Variants in GPHN observed in about 807,000 individuals in gnomAD.
GPHN encodes gephyrin.
A neutral mutation model predicts 95.5 loss-of-function variants in GPHN; 17 were observed. The ratio of observed to expected loss-of-function variants is 0.18; its 90% CI spans 0.12 to 0.27. The LOEUF is 0.27. Among genes scored for constraint, GPHN ranks in the 10% least tolerant of loss-of-function variants. GPHN has a pLI of 1.00. For synonymous variants in GPHN, 320 were observed against 322.5 expected, an observed-to-expected ratio of 0.99 and a Z score of 0.08; for missense variants, 660 against 978.1, an observed-to-expected ratio of 0.67 and a Z score of 4.34.
At chr14:66,589,261 A>T (rs986593472) in intron 1 of GPHN, among the ~76,000 whole-genome samples, 3 of 152,132 alleles carry the variant, frequency 2.0e-5, no homozygotes, top group Non-Finnish European at 4.4e-5. Flanking sequence ...AAAAACCGGT[A>T]CCAGCCACTG....
chr14:66,737,175 A>G (rs375611534), intron 2 of GPHN, among the ~76,000 whole-genome samples: 184 of 152,276 alleles, frequency 1.2e-3, no homozygotes, highest in African/African-American at 4.1e-3. Context: ...TCGTTTCTAC[A>G]TATACTTTTT....
the GPHN span, among the ~76,000 whole-genome samples, chr14:67,207,866 T>A: frequency 6.6e-6 from 1 of 152,176 alleles, no homozygotes; most frequent in Non-Finnish European, 1.5e-5. Flanking sequence ...GACTGGGGAA[T>A]CAGTGGCATT....
At chr14:67,513,037 T>A in the GPHN span, among the ~76,000 whole-genome samples, 1 of 152,200 alleles carries the variant, frequency 6.6e-6, no homozygotes, top group Non-Finnish European at 1.5e-5. Flanking sequence ...ATTTAATATC[T>A]TTCATTCAAG....
At chr14:67,662,142 C>G in the GPHN span, among the ~76,000 whole-genome samples, 1 of 150,168 alleles carries the variant, frequency 6.7e-6, no homozygotes, top group African/African-American at 2.5e-5. Flanking sequence ...GGCAACAGAG[C>G]GAGACTCTGT....
chr14:67,192,874 A>G, the GPHN span, among the ~76,000 whole-genome samples: 3 of 146,648 alleles, frequency 2.0e-5, no homozygotes, highest in African/African-American at 4.9e-5. Flanking sequence ...ATATAGATAT[A>G]TAGATATATA....
Position 66,780,522 on chromosome 14 carries a change from CT to C in GPHN, c.201+4012del, listed in dbSNP as rs775788664. On this transcript the variant is annotated intron_variant, in intron 3 of 22. Transcript: ENST00000478722. Reference sequence around the variant, plus strand: ...GTGATTTTTTTCCTAAAGGAATCAGCTTTTTTTTTTTCATTGTGTGTGCTTT... The same window carrying C: ...GTGATTTTTTTCCTAAAGGAATCAGCTTTTTTTTTTCATTGTGTGTGCTTT... 3.2e-3 allele frequency among the ~76,000 whole-genome samples: 455 copies of C among 142,984 alleles called. 4 individuals carry two copies. The highest frequency in any genetic ancestry group is 8.0e-3 in the African/African-American group (312 of 39,110). 93.8% of individuals were successfully genotyped at this position (142,984 alleles called of 152,430 possible). A position where few individuals can be genotyped will look rare whatever the true frequency, so the allele number is the denominator to read the frequency against.
intron 2 of GPHN, among the ~76,000 whole-genome samples, chr14:66,703,394 A>G (rs1281424948): frequency 3.3e-5 from 5 of 152,170 alleles, no homozygotes; most frequent in African/African-American, 1.2e-4. Context: ...ACAGCCAGAG[A>G]GAAAGGCCAG....
chr14:67,651,134 A>T, the GPHN span: 1 of 901,068 alleles, frequency 1.1e-6, no homozygotes, highest in Non-Finnish European at 1.6e-6. Context: ...TTAATATGCT[A>T]CAGTACTATG....
chr14:67,341,119 C>G, the GPHN span, among the ~76,000 whole-genome samples: 34 of 152,308 alleles, frequency 2.2e-4, no homozygotes, highest in East Asian at 5.8e-3. Context: ...TGAGGAGCCT[C>G]TCTGCCTGGC....
At chr14:67,058,584 A>G (rs916466221) in intron 10 of GPHN, 65 bp from the exon 11 acceptor site, 1 of 1,382,348 alleles carries the variant, frequency 7.2e-7, no homozygotes, top group African/African-American at 1.4e-5. Flanking sequence ...TGATATTATA[A>G]GTCATTGCCA....
intron 9 of GPHN, among the ~76,000 whole-genome samples, chr14:67,004,433 G>A (rs1049272822): frequency 7.3e-5 from 11 of 151,682 alleles, no homozygotes; most frequent in African/African-American, 2.7e-4. Flanking sequence ...AGAGAATGTT[G>A]CAAAAATTAA....
intron 4 of GPHN, among the ~76,000 whole-genome samples, chr14:66,878,368 G>A (rs1177369968): frequency 2.6e-5 from 4 of 152,204 alleles, no homozygotes; most frequent in African/African-American, 9.6e-5. Flanking sequence ...TGACAAACGG[G>A]ATCTAATTAA....
the GPHN span, among the ~76,000 whole-genome samples, chr14:67,481,778 T>C: frequency 5.3e-5 from 8 of 152,136 alleles, no homozygotes; most frequent in Non-Finnish European, 1.0e-4. Flanking sequence ...TTAGGCTCCT[T>C]CCACTAGCTC....
At chr14:67,211,265 A>T in the GPHN span, among the ~76,000 whole-genome samples, 5 of 152,284 alleles carry the variant, frequency 3.3e-5, no homozygotes, top group South Asian at 8.3e-4. Flanking sequence ...TATAGGTGGG[A>T]GGAAGGAAGG....
chr14:67,218,464 G>A, the GPHN span, among the ~76,000 whole-genome samples: 1 of 152,174 alleles, frequency 6.6e-6, no homozygotes, highest in Non-Finnish European at 1.5e-5. Context: ...CCTGTGGGCT[G>A]TTTCTGAGGC....
the GPHN span, chr14:67,347,496 TTC>T: frequency 1.2e-4 from 169 of 1,424,160 alleles, 3 homozygotes; most frequent in East Asian, 2.0e-4. Context: ...AACCTTTAAG[TTC>T]TCTCTTTTTT....
In GPHN at chr14:66,766,932, C is replaced by T. The variant is rs564458989; in HGVS notation, c.144-9532C>T. On this transcript the variant is annotated intron_variant, in intron 2 of 22. Coordinates refer to ENST00000478722, the MANE Select transcript of GPHN (RefSeq NM_020806.5). ...TTTCTTTCCTAAGTCCATTATTTCC[C>T]CCCATTTTTAAAAAAACTTAGCGTC... Among the ~76,000 whole-genome samples, 10 of 152,004 alleles carry T rather than the reference C, an allele frequency of 6.6e-5. No individual in the cohort carries two copies. The East Asian group carries it at 1.5e-3, about 23-fold the overall frequency.
the GPHN span, among the ~76,000 whole-genome samples, chr14:67,646,255 C>T: frequency 9.2e-5 from 14 of 152,242 alleles, 1 homozygote; most frequent in East Asian, 1.9e-3. Context: ...ATTCATTGGG[C>T]GGAAGTCCTG....
chr14:67,325,038 G>T, the GPHN span, among the ~76,000 whole-genome samples: 2 of 151,152 alleles, frequency 1.3e-5, no homozygotes, highest in Non-Finnish European at 2.9e-5. Flanking sequence ...CCTAGCAGCT[G>T]GGACTACAGG....
Sources: gnomAD v4.1 joint callset for allele counts (sites outside exome capture counted in the v4.1 genomes callset) on GRCh38, gnomAD v4.1.1 for gene constraint, MANE v1.5 for transcripts, NCBI Gene and HGNC (gene_info 2026-07-23, HGNC 2026-07-21) for gene names.